Variants in OPRL1 observed in about 807,000 individuals in gnomAD.
The protein encoded by OPRL1 is opioid related nociceptin receptor 1, also known as nociceptin receptor.
Under a neutral mutation model 15.5 loss-of-function variants are expected in OPRL1, and 5 were observed. The ratio of observed to expected loss-of-function variants is 0.32; its 90% CI spans 0.17 to 0.68. OPRL1 has a LOEUF of 0.68. OPRL1 is among the 30% of genes least tolerant of loss of function. OPRL1 has a pLI of 0.72. For missense variants in OPRL1, 406 were observed against 515.3 expected, an observed-to-expected ratio of 0.79 and a Z score of 2.05; for synonymous variants, 223 against 230.2, an observed-to-expected ratio of 0.97 and a Z score of 0.28.
intron 1 of OPRL1, among the ~76,000 whole-genome samples, chr20:64,080,763 C>T (rs914557674): frequency 2.0e-5 from 3 of 152,178 alleles, no homozygotes; most frequent in Admixed American, 2.0e-4. Flanking sequence ...CCCGCCCCTC[C>T]CCTGGCCCGG....
chr20:64,096,379 CT>C (rs911971919), intron 3 of OPRL1, among the ~76,000 whole-genome samples: 1 of 152,140 alleles, frequency 6.6e-6, no homozygotes, highest in Non-Finnish European at 1.5e-5. Flanking sequence ...CCCTGCTCTG[CT>C]TTTTACCAGC....
In OPRL1 at chr20:64,097,411, G is replaced by C. The variant is rs1174198787; in HGVS notation, c.234-391G>C. Among the ~76,000 whole-genome samples, 1 of 152,124 alleles carries C rather than the reference G, an allele frequency of 6.6e-6. No individual in the cohort carries two copies. Among genetic ancestry groups the C allele is most frequent in the African/African-American group, 2.4e-5 (1 of 41,420 alleles). ...GCATTTGAGTCTGTGAGGGGTCATGGAGGGGACTCAAAAGCAAGGGGAGCA... is the reference window on the plus strand; with the variant it reads ...GCATTTGAGTCTGTGAGGGGTCATGCAGGGGACTCAAAAGCAAGGGGAGCA... On this transcript the variant is annotated intron_variant, in intron 3 of 4. Coordinates refer to ENST00000336866, the MANE Select transcript of OPRL1 (RefSeq NM_182647.4). The surrounding 1 kb of genome is among the most constrained non-coding windows in gnomAD (Gnocchi z 4.2).
At chr20:64,084,234 G>T in intron 1 of OPRL1, 1 of 1,369,404 alleles carries the variant, frequency 7.3e-7, no homozygotes, top group Non-Finnish European at 9.4e-7. Context: ...CCGCCCTGCG[G>T]AGGGAGGAGG....
chr20:64,088,411 A>T (rs2060074292), intron 1 of OPRL1, among the ~76,000 whole-genome samples: 4 of 139,530 alleles, frequency 2.9e-5, no homozygotes, highest in Admixed American at 2.1e-4. Flanking sequence ...AGTGGGTAGG[A>T]TCTACATTGG....
At chr20:64,084,099 T>TG (rs762504141) in intron 1 of OPRL1, 6 of 1,478,026 alleles carry the variant, frequency 4.1e-6, no homozygotes, top group East Asian at 3.0e-5. Flanking sequence ...CAGCCCGGCT[T>TG]GGGGGGCTCT....
At position 64,083,817 on chromosome 20, in the gene OPRL1, C is replaced by A; in HGVS notation, c.-185+3465C>A. The stretch of plus-strand genomic sequence containing the variant: ...TCTGCCCTCCGACCCCCTCGCCTCA[C>A]CCGCATGCGGGTGTAGCGCAGCCGC... On this transcript the variant is annotated intron_variant, in intron 1 of 4. Coordinates refer to ENST00000336866, the MANE Select transcript of OPRL1 (RefSeq NM_182647.4). This position sits in a 1 kb window ranked among gnomAD's most constrained non-coding sequence, Gnocchi z 4.9. 7.4e-7 allele frequency: 1 copy of A among 1,358,948 alleles called. No homozygotes were observed. The highest frequency in any genetic ancestry group is 4.0e-5 in the Admixed American group (1 of 25,244). The allele number at this position is 1,358,948 out of a possible 1,614,324, so 84.2% of individuals were successfully genotyped here.
rs2060005368 is a variant in OPRL1 at position 64,083,899 on chromosome 20, C to G, written c.-185+3547C>G. Reference sequence around the variant, plus strand: ...CCTTGAGGACGCCGAGGAGCCGGTTCTGGCGCTCGGCGGGCAGCTCGAGCG... The same window carrying G: ...CCTTGAGGACGCCGAGGAGCCGGTTGTGGCGCTCGGCGGGCAGCTCGAGCG... On this transcript the variant is annotated intron_variant, in intron 1 of 4. Transcript: ENST00000336866. The surrounding 1 kb of genome is among the most constrained non-coding windows in gnomAD (Gnocchi z 4.9). 1 of 1,445,678 alleles carries G rather than the reference C, an allele frequency of 6.9e-7. No individual in the cohort carries two copies. The highest frequency in any genetic ancestry group is 9.0e-7 in the Non-Finnish European group (1 of 1,105,442). 89.6% of individuals were successfully genotyped at this position (1,445,678 alleles called of 1,614,324 possible).
At chr20:64,082,563 T>C (rs1174619890) in intron 1 of OPRL1, among the ~76,000 whole-genome samples, 1 of 152,096 alleles carries the variant, frequency 6.6e-6, no homozygotes, top group Non-Finnish European at 1.5e-5. Flanking sequence ...GAGCGGTTTG[T>C]CTGAGTTCCT....
In OPRL1 at chr20:64,090,384, G is replaced by A. The variant is rs370204462; in HGVS notation, c.-184-1582G>A. 3.9e-5 allele frequency among the ~76,000 whole-genome samples: 6 copies of A among 152,324 alleles called. No homozygotes were observed. The South Asian group carries it at 1.2e-3, about 32-fold the overall frequency. On this transcript the variant is annotated intron_variant, in intron 1 of 4. Coordinates refer to ENST00000336866, the MANE Select transcript of OPRL1 (RefSeq NM_182647.4). The surrounding 1 kb of genome is among the most constrained non-coding windows in gnomAD (Gnocchi z 4.9). ...CCTGGGGGACAGCGAGGGATGCTGGGTCCTGGGGCATCTGCCTGTTCCGTC... is the reference window on the plus strand; with the variant it reads ...CCTGGGGGACAGCGAGGGATGCTGGATCCTGGGGCATCTGCCTGTTCCGTC...
intron 3 of OPRL1, among the ~76,000 whole-genome samples, chr20:64,095,502 T>C (rs1979017561): frequency 6.7e-6 from 1 of 150,030 alleles, no homozygotes; most frequent in Non-Finnish European, 1.5e-5. Context: ...GCAGAGGAAA[T>C]GATGGACCTC....
At chr20:64,084,257 T>C in intron 1 of OPRL1, 1 of 1,344,560 alleles carries the variant, frequency 7.4e-7, no homozygotes, top group South Asian at 1.8e-5. Context: ...GTCCCGTCGG[T>C]GCCGGGGCTG....
Position 64,098,376 on chromosome 20 carries a change from C to T in OPRL1, c.690C>T (p.Val230=). 6.2e-7 allele frequency: 1 copy of T among 1,613,840 alleles called. No individual in the cohort carries two copies. Among genetic ancestry groups the T allele is most frequent in the Non-Finnish European group, 8.5e-7 (1 of 1,180,006 alleles). ...TCTCCTTCATCGTCCCCGTGCTCGTCATCTCTGTCTGCTACAGCCTCATGA... is the reference window on the plus strand; with the variant it reads ...TCTCCTTCATCGTCCCCGTGCTCGTTATCTCTGTCTGCTACAGCCTCATGA... The part of the protein sequence containing the change: ...FLFSFIVPVL[V]ISVCYSLMIR... Residue 230 remains valine (V), a synonymous_variant, in exon 5 of 5, where the codon GTC becomes GTT. Transcript: ENST00000336866.
rs112475153 is a variant in OPRL1 at position 64,089,114 on chromosome 20, C to T, written c.-184-2852C>T. Among the ~76,000 whole-genome samples, 30 of 151,602 alleles carry T rather than the reference C, an allele frequency of 2.0e-4. 1 individual carries two copies. The highest frequency in any genetic ancestry group is 6.8e-3 in the Middle Eastern group (2 of 294). On this transcript the variant is annotated intron_variant, in intron 1 of 4. Transcript: ENST00000336866. This position sits in a 1 kb window ranked among gnomAD's most constrained non-coding sequence, Gnocchi z 5.5. ...CAGGGGGCCTAGGCTGTTCAGCATG[C>T]CAGGGTCTGTGCTGGGGGTTTGCCG...
chr20:64,083,799 T>C lies in OPRL1; in HGVS notation c.-185+3447T>C, dbSNP rs2060002333. On this transcript the variant is annotated intron_variant, in intron 1 of 4. Transcript: ENST00000336866. This position sits in a 1 kb window ranked among gnomAD's most constrained non-coding sequence, Gnocchi z 4.9. ...CGCTCCCGGTGCGCCCCCTCTGCCCTCCGACCCCCTCGCCTCACCCGCATG... is the reference window on the plus strand; with the variant it reads ...CGCTCCCGGTGCGCCCCCTCTGCCCCCCGACCCCCTCGCCTCACCCGCATG... The C allele has an allele frequency of 7.5e-7, 1 of 1,338,746 alleles. No individual in the cohort carries two copies. Among genetic ancestry groups the C allele is most frequent in the Non-Finnish European group, 9.5e-7 (1 of 1,050,964 alleles). The allele number at this position is 1,338,746 out of a possible 1,614,324, so 82.9% of individuals were successfully genotyped here.
chr20:64,097,758 C>G lies in OPRL1; in HGVS notation c.234-44C>G. 1 of 1,557,102 alleles carries G rather than the reference C, an allele frequency of 6.4e-7. No homozygotes were observed. The highest frequency in any genetic ancestry group is 1.7e-4 in the Middle Eastern group (1 of 5,892). ...CCTTGCCCTTTGCTGCCTGGTCCAG[C>G]CAGCATGGCCAAGTGAAGCCTTTCT... On this transcript the variant is annotated intron_variant, in intron 3 of 4. Transcript: ENST00000336866. This position sits in a 1 kb window ranked among gnomAD's most constrained non-coding sequence, Gnocchi z 4.2.
chr20:64,095,711 A>G (rs1431703874), intron 3 of OPRL1, among the ~76,000 whole-genome samples: 1 of 151,854 alleles, frequency 6.6e-6, no homozygotes, highest in South Asian at 2.1e-4. Context: ...GATTCTGAAG[A>G]AAGTGCCCAG....
At chr20:64,084,216 G>A (rs1244268776) in intron 1 of OPRL1, 2 of 1,410,578 alleles carry the variant, frequency 1.4e-6, no homozygotes, top group Non-Finnish European at 1.8e-6. Context: ...GCTGGCGGCG[G>A]CATCCTCCCG....
rs1298864783 is a variant in OPRL1 at position 64,090,328 on chromosome 20, T to C, written c.-184-1638T>C. 1.3e-5 allele frequency among the ~76,000 whole-genome samples: 2 copies of C among 152,114 alleles called. No individual in the cohort carries two copies. The highest frequency in any genetic ancestry group is 4.8e-5 in the African/African-American group (2 of 41,404). ...CCGTGCCTTCACACGTGTCCCTGAGTCTTGGTTGCCGTGAAGATGCAGGGA... is the reference window on the plus strand; with the variant it reads ...CCGTGCCTTCACACGTGTCCCTGAGCCTTGGTTGCCGTGAAGATGCAGGGA... On this transcript the variant is annotated intron_variant, in intron 1 of 4. Coordinates refer to ENST00000336866, the MANE Select transcript of OPRL1 (RefSeq NM_182647.4). The surrounding 1 kb of genome is among the most constrained non-coding windows in gnomAD (Gnocchi z 4.9).
Position 64,083,821 on chromosome 20 carries a change from C to T in OPRL1, c.-185+3469C>T, listed in dbSNP as rs2060003057. 1.5e-6 allele frequency: 2 copies of T among 1,363,350 alleles called. No individual in the cohort carries two copies. Among genetic ancestry groups the T allele is most frequent in the Non-Finnish European group, 9.4e-7 (1 of 1,064,644 alleles). The allele number at this position is 1,363,350 out of a possible 1,614,324, so 84.5% of individuals were successfully genotyped here. A position where few individuals can be genotyped will look rare whatever the true frequency, so the allele number is the denominator to read the frequency against. On this transcript the variant is annotated intron_variant, in intron 1 of 4. Transcript: ENST00000336866. This position sits in a 1 kb window ranked among gnomAD's most constrained non-coding sequence, Gnocchi z 4.9. ...CCCTCCGACCCCCTCGCCTCACCCG[C>T]ATGCGGGTGTAGCGCAGCCGCAGGG... is the stretch of plus-strand genomic sequence containing the variant.
Sources: allele counts gnomAD v4.1 joint callset (sites outside exome capture counted in the v4.1 genomes callset), GRCh38; gene constraint gnomAD v4.1.1; non-coding constraint Gnocchi (gnomAD v3.1); transcripts MANE v1.5; gene names NCBI Gene and HGNC (gene_info 2026-07-23, HGNC 2026-07-21).